AFF1: variants seen among roughly 807,000 people sequenced by gnomAD.
AFF1 encodes AF4/FMR2 family member 1.
A neutral mutation model predicts 121.7 loss-of-function variants in AFF1; 48 were observed. That is an observed-to-expected ratio of 0.39 (90% CI 0.31 to 0.50). The LOEUF (loss-of-function observed/expected upper bound fraction) is 0.50. AFF1 is among the 20% of genes least tolerant of loss of function. The pLI is 0.76. For missense variants in AFF1, 1,523 were observed against 1,511.7 expected (o/e 1.01, Z -0.12); for synonymous variants, 613 against 563.0 (o/e 1.09, Z -1.26).
intron 2 of AFF1, among the ~76,000 whole-genome samples, chr4:87,019,913 C>T (rs1240525636): frequency 1.3e-5 from 2 of 151,514 alleles, no homozygotes; most frequent in Admixed American, 1.3e-4. Flanking sequence ...GGACTGAGCC[C>T]TCAACCTGTG....
chr4:87,094,309 G>A (rs2149721993), intron 7 of AFF1, among the ~76,000 whole-genome samples: 1 of 152,272 alleles, frequency 6.6e-6, no homozygotes, highest in Admixed American at 6.5e-5. Flanking sequence ...GTATTGACTT[G>A]TGTACTTAAT....
chr4:86,980,376 C>T (rs1192907864), intron 2 of AFF1, among the ~76,000 whole-genome samples: 1 of 152,066 alleles, frequency 6.6e-6, no homozygotes, highest in Non-Finnish European at 1.5e-5. Context: ...CCTTGTAATC[C>T]CAATTACTTG....
chr4:87,062,803 A>G (rs1720915728), intron 4 of AFF1, among the ~76,000 whole-genome samples: 1 of 152,204 alleles, frequency 6.6e-6, no homozygotes, highest in Admixed American at 6.5e-5. Context: ...GTGAATAAGT[A>G]TATAATACAG....
intron 2 of AFF1, among the ~76,000 whole-genome samples, chr4:87,015,536 G>A (rs1727207461): frequency 6.6e-6 from 1 of 152,128 alleles, no homozygotes; most frequent in African/African-American, 2.4e-5. Flanking sequence ...TTTTTAAATG[G>A]GAACTATGCC....
At chr4:86,998,103 A>AAAAAAC (rs1725368282) in intron 2 of AFF1, among the ~76,000 whole-genome samples, 1 of 67,260 alleles carries the variant, frequency 1.5e-5, no homozygotes, top group Non-Finnish European at 3.5e-5. Context: ...CGTCTCAAAA[A>AAAAAAC]AAAAAAAAAA....
chr4:87,049,611 C>T (rs1439101823), intron 4 of AFF1: 1 of 454,500 alleles, frequency 2.2e-6, no homozygotes, highest in Non-Finnish European at 4.4e-6. Flanking sequence ...CTGCTGTCAA[C>T]AATGGAGTAG....
intron 2 of AFF1, among the ~76,000 whole-genome samples, chr4:86,995,275 TCCCCC>T (rs1725033634): frequency 3.1e-4 from 4 of 13,022 alleles, no homozygotes; most frequent in East Asian, 6.8e-3. Flanking sequence ...CCCTTCCCCC[TCCCCC>T]TCTCCCTCCC....
intron 4 of AFF1, among the ~76,000 whole-genome samples, chr4:87,054,100 A>G (rs1225690941): frequency 6.6e-6 from 1 of 152,222 alleles, no homozygotes; most frequent in African/African-American, 2.4e-5. Context: ...ATCAAAGGGA[A>G]TTTTTCATTT....
At chr4:87,089,218 T>G (rs1405882195) in intron 5 of AFF1, among the ~76,000 whole-genome samples, 1 of 152,132 alleles carries the variant, frequency 6.6e-6, no homozygotes, top group Non-Finnish European at 1.5e-5. Context: ...AAAAGTGTGT[T>G]TGTGTGTGTA....
chr4:87,046,660 T>C, intron 3 of AFF1, 35 bp from the exon 4 acceptor site: 1 of 1,567,434 alleles, frequency 6.4e-7, no homozygotes. Context: ...TTTTCCTTAG[T>C]TTTTTTTCAT....
At chr4:87,034,156 C>T (rs1463876027) in intron 2 of AFF1, among the ~76,000 whole-genome samples, 2 of 152,116 alleles carry the variant, frequency 1.3e-5, no homozygotes, top group African/African-American at 4.8e-5. Context: ...GGAGAGAGAG[C>T]GAGTCTTCCT....
At chr4:86,942,226 A>G (rs894494883) in intron 1 of AFF1, among the ~76,000 whole-genome samples, 1 of 152,182 alleles carries the variant, frequency 6.6e-6, no homozygotes, top group African/African-American at 2.4e-5. Flanking sequence ...TAAGGGTCCA[A>G]ATTCTGAAAT....
intron 2 of AFF1, among the ~76,000 whole-genome samples, chr4:86,984,052 G>GAA (rs1048852254): frequency 1.6e-4 from 24 of 151,920 alleles, no homozygotes; most frequent in Non-Finnish European, 7.4e-5. Context: ...AAAAGAAAAA[G>GAA]AAAAAAGAAA....
chr4:87,061,453 G>A (rs998448416), intron 4 of AFF1, among the ~76,000 whole-genome samples: 3 of 152,206 alleles, frequency 2.0e-5, no homozygotes, highest in African/African-American at 4.8e-5. Context: ...TCTCCCACTT[G>A]TGAGAGAAGG....
chr4:87,032,277 T>C (rs1729153388), intron 2 of AFF1, among the ~76,000 whole-genome samples: 1 of 152,218 alleles, frequency 6.6e-6, no homozygotes, highest in South Asian at 2.1e-4. Context: ...GTTTCCAGCT[T>C]TCTTCTCCTA....
chr4:86,940,432 C>G (rs1720367652), intron 1 of AFF1, among the ~76,000 whole-genome samples: 1 of 152,166 alleles, frequency 6.6e-6, no homozygotes. Flanking sequence ...GACAGAGTCT[C>G]ACTCTGTTGC....
intron 4 of AFF1, among the ~76,000 whole-genome samples, chr4:87,076,879 G>A (rs1485861426): frequency 6.6e-6 from 1 of 152,206 alleles, no homozygotes; most frequent in Non-Finnish European, 1.5e-5. Flanking sequence ...TCTTGGAACA[G>A]GCTTAGCTAT....
At chr4:87,049,540 AC>A in intron 4 of AFF1, 1 of 399,412 alleles carries the variant, frequency 2.5e-6, no homozygotes, top group South Asian at 1.8e-5. Flanking sequence ...TTTCTGAGGA[AC>A]AAAATCCTCC....
intron 2 of AFF1, among the ~76,000 whole-genome samples, chr4:86,962,145 C>CTTTT (rs3035474): frequency 1.6e-5 from 2 of 122,580 alleles, no homozygotes; most frequent in Admixed American, 8.5e-5. Flanking sequence ...GTTATTGTTT[C>CTTTT]TTTTTTTTTT....
Sources: allele counts gnomAD v4.1 joint callset (sites outside exome capture counted in the v4.1 genomes callset), GRCh38; gene constraint gnomAD v4.1.1; transcripts MANE v1.5; gene names NCBI Gene and HGNC (gene_info 2026-07-23, HGNC 2026-07-21).